PALLD: variants seen among roughly 807,000 people sequenced by gnomAD.
PALLD encodes the protein palladin, cytoskeletal associated protein.
PALLD carries 61 observed loss-of-function variants against 123.5 expected under a neutral mutation model. The ratio of observed to expected loss-of-function variants is 0.49; its 90% confidence interval spans 0.40 to 0.61. The LOEUF is 0.61. Ranked by LOEUF, PALLD falls within the 20% of genes least tolerant of loss-of-function variation. PALLD has a pLI of 0.00. For missense variants in PALLD, 1,273 were observed against 1,377.0 expected (o/e 0.92, Z 1.20); for synonymous variants, 465 against 496.4 (o/e 0.94, Z 0.84).
rs1013329787 is a variant in PALLD at position 168,813,997 on chromosome 4, G to A, written c.1965-76925G>A. Among the ~76,000 whole-genome samples, 21 of 152,212 alleles carry A rather than the reference G, an allele frequency of 1.4e-4. 1 individual carries two copies. The South Asian group carries it at 3.5e-3, about 26-fold the overall frequency. ...AGAGTGGGAGGAATTTCAGTGATGGGAAATAGAATCAAGTTAAAGTAAACT... is the reference window on the plus strand; with the variant it reads ...AGAGTGGGAGGAATTTCAGTGATGGAAAATAGAATCAAGTTAAAGTAAACT... On this transcript the variant is annotated intron_variant, in intron 10 of 21. Transcript: ENST00000505667.
At chr4:168,532,873 C>A (rs1443129831) in intron 2 of PALLD, among the ~76,000 whole-genome samples, 3 of 152,060 alleles carry the variant, frequency 2.0e-5, no homozygotes, top group South Asian at 2.1e-4. Context: ...AATACAGGAA[C>A]CTTCTGATTG....
At chr4:168,793,843 C>T (rs1737998764) in intron 10 of PALLD, among the ~76,000 whole-genome samples, 1 of 152,126 alleles carries the variant, frequency 6.6e-6, no homozygotes, top group Non-Finnish European at 1.5e-5. Context: ...GAAGTCTTCC[C>T]ATCAGAAACA....
intron 10 of PALLD, among the ~76,000 whole-genome samples, chr4:168,797,948 G>A (rs1196751117): frequency 1.3e-5 from 2 of 151,356 alleles, no homozygotes; most frequent in African/African-American, 2.4e-5. Flanking sequence ...TCCTAATCTG[G>A]CTATTTTTCT....
intron 10 of PALLD, among the ~76,000 whole-genome samples, chr4:168,849,165 C>G (rs74652468): frequency 1.3e-5 from 2 of 152,214 alleles, no homozygotes. Flanking sequence ...TGACTTTTGT[C>G]TTTAACTTTC....
chr4:168,894,191 A>G, intron 11 of PALLD: 1 of 294,030 alleles, frequency 3.4e-6, no homozygotes, highest in African/African-American at 2.2e-5. Context: ...ATTAGAGCTG[A>G]CTTGGGTGTT....
chr4:168,592,049 C>T (rs1771491340), intron 2 of PALLD, among the ~76,000 whole-genome samples: 1 of 146,118 alleles, frequency 6.8e-6, no homozygotes, highest in Non-Finnish European at 1.5e-5. Context: ...TGGAGTCGCG[C>T]TCTGTCACCC....
intron 12 of PALLD, among the ~76,000 whole-genome samples, chr4:168,895,491 C>T (rs1317073369): frequency 3.3e-5 from 5 of 152,184 alleles, no homozygotes; most frequent in Admixed American, 1.3e-4. Context: ...TTGATTAACA[C>T]GTATTCTGTA....
At chr4:168,751,403 G>C (rs1731049632) in intron 10 of PALLD, among the ~76,000 whole-genome samples, 1 of 152,028 alleles carries the variant, frequency 6.6e-6, no homozygotes, top group Non-Finnish European at 1.5e-5. Context: ...TTAGGTATTG[G>C]GACACACTAA....
Position 168,691,299 on chromosome 4 carries a change from A to C in PALLD, c.1501+7A>C. The C allele has an allele frequency of 6.2e-7, 1 of 1,608,160 alleles. No individual in the cohort carries two copies. The highest frequency in any genetic ancestry group is 1.7e-5 in the Admixed American group (1 of 59,800). ...AGATCTACAGCTGAACCTGGTAAGA[A>C]TATTTTTAGGGTTTTTTTTTTTGGT... On this transcript the variant is annotated splice_region_variant and intron_variant, in intron 8 of 21. Coordinates refer to ENST00000505667, the MANE Select transcript of PALLD (RefSeq NM_001166108.2).
At chr4:168,817,128 T>C in intron 10 of PALLD, among the ~76,000 whole-genome samples, 1 of 152,190 alleles carries the variant, frequency 6.6e-6, no homozygotes, top group Non-Finnish European at 1.5e-5. Context: ...GTCTTTCAGC[T>C]GGAGTGAGAA....
intron 2 of PALLD, among the ~76,000 whole-genome samples, chr4:168,588,117 C>T (rs1380889503): frequency 6.6e-6 from 1 of 152,092 alleles, no homozygotes; most frequent in East Asian, 1.9e-4. Context: ...CCATTCCTCT[C>T]AGCAGTTTGT....
Position 168,871,912 on chromosome 4 carries a change from C to T in PALLD, c.1965-19010C>T, listed in dbSNP as rs549693358. 2.0e-5 allele frequency among the ~76,000 whole-genome samples: 3 copies of T among 152,330 alleles called. No homozygotes were observed. The South Asian group carries it at 6.2e-4, about 32-fold the overall frequency. On this transcript the variant is annotated intron_variant, in intron 10 of 21. Coordinates refer to ENST00000505667, the MANE Select transcript of PALLD (RefSeq NM_001166108.2). ...TTTGGACCACATCCTGCAGCCCTCT[C>T]AGAGCCAAAGTGACCATTTACCCCA...
At chr4:168,754,095 G>A (rs1731441924) in intron 10 of PALLD, among the ~76,000 whole-genome samples, 1 of 152,212 alleles carries the variant, frequency 6.6e-6, no homozygotes, top group Non-Finnish European at 1.5e-5. Flanking sequence ...TATCTCCCTT[G>A]AGTATTTAGA....
intron 2 of PALLD, among the ~76,000 whole-genome samples, chr4:168,663,017 T>C (rs1779269961): frequency 1.3e-5 from 2 of 152,250 alleles, no homozygotes; most frequent in South Asian, 4.1e-4. Flanking sequence ...GGTGAAAGTC[T>C]ATAAGCCTCT....
At chr4:168,918,206 AAAG>A (rs1043509760) in intron 17 of PALLD, among the ~76,000 whole-genome samples, 3 of 151,896 alleles carry the variant, frequency 2.0e-5, no homozygotes, top group African/African-American at 7.2e-5. Flanking sequence ...AAAAAAAAGA[AAAG>A]AAAATGAAAT....
chr4:168,645,943 G>A (rs2149890107), intron 2 of PALLD, among the ~76,000 whole-genome samples: 1 of 152,242 alleles, frequency 6.6e-6, no homozygotes, highest in East Asian at 1.9e-4. Context: ...TCTTGGGAAA[G>A]GAAAAAGGCA....
At chr4:168,544,804 C>G (rs1014661369) in intron 2 of PALLD, among the ~76,000 whole-genome samples, 3 of 152,112 alleles carry the variant, frequency 2.0e-5, no homozygotes, top group African/African-American at 7.2e-5. Context: ...AGAAAGGGAC[C>G]ATTTTTACAC....
intron 5 of PALLD, 80 bp downstream of exon 5, chr4:168,683,183 T>C: frequency 1.3e-6 from 1 of 757,126 alleles, no homozygotes; most frequent in Non-Finnish European, 2.3e-6. Context: ...TGACTTTGAT[T>C]CTAACTAGTA....
chr4:168,775,567 G>A (rs938843848), intron 10 of PALLD, among the ~76,000 whole-genome samples: 2 of 152,084 alleles, frequency 1.3e-5, no homozygotes, highest in Admixed American at 1.3e-4. Flanking sequence ...CAACTTCTAT[G>A]TATCATGCTT....
Sources: gnomAD v4.1 joint callset for allele counts (sites outside exome capture counted in the v4.1 genomes callset) on GRCh38, gnomAD v4.1.1 for gene constraint, MANE v1.5 for transcripts, NCBI Gene and HGNC (gene_info 2026-07-23, HGNC 2026-07-21) for gene names.